The following PTPRT variants were observed in gnomAD, a reference collection of about 807,000 sequenced individuals.
PTPRT encodes the protein receptor-type tyrosine-protein phosphatase T.
In PTPRT, 56 loss-of-function variants were observed where a neutral mutation model predicts 176.8. That is an observed-to-expected ratio of 0.32 (90% CI 0.26 to 0.40). The LOEUF is 0.40. PTPRT is among the 10% of genes least tolerant of loss of function. The pLI is 1.00. For synonymous variants in PTPRT, 783 were observed against 739.0 expected, an observed-to-expected ratio of 1.06 and a Z score of -0.96; for missense variants, 1,540 against 1,908.2, an observed-to-expected ratio of 0.81 and a Z score of 3.60.
chr20:42,501,861 C>T (rs1459942809), intron 7 of PTPRT, among the ~76,000 whole-genome samples: 1 of 151,688 alleles, frequency 6.6e-6, no homozygotes, highest in African/African-American at 2.4e-5. Context: ...GCTAATATGC[C>T]TTCATTTTTT....
At chr20:42,388,800 A>T (rs1398990679) in intron 9 of PTPRT, among the ~76,000 whole-genome samples, 1 of 152,254 alleles carries the variant, frequency 6.6e-6, no homozygotes, top group Non-Finnish European at 1.5e-5. Flanking sequence ...ATTATAAATC[A>T]TGCTGCTATA....
intron 2 of PTPRT, among the ~76,000 whole-genome samples, chr20:42,879,779 GCA>G (rs2078988798): frequency 6.6e-6 from 1 of 152,052 alleles, no homozygotes; most frequent in Non-Finnish European, 1.5e-5. Flanking sequence ...GTGTGCATGT[GCA>G]TGTGTGTCAC....
chr20:42,706,340 C>G (rs1224484408), intron 6 of PTPRT, among the ~76,000 whole-genome samples: 2 of 151,986 alleles, frequency 1.3e-5, no homozygotes, highest in Non-Finnish European at 2.9e-5. Flanking sequence ...TTGTTAATCT[C>G]TGAATTGGCT....
chr20:42,612,019 A>G (rs771298892), intron 7 of PTPRT, among the ~76,000 whole-genome samples: 10 of 152,142 alleles, frequency 6.6e-5, no homozygotes, highest in Non-Finnish European at 5.9e-5. Flanking sequence ...ACCCATGCTG[A>G]CATGGGCCCT....
chr20:42,111,058 A>G (rs139099400), intron 22 of PTPRT, among the ~76,000 whole-genome samples: 8 of 152,336 alleles, frequency 5.3e-5, no homozygotes, highest in African/African-American at 1.7e-4. Context: ...ACAAAGGCAG[A>G]GCTTCTCTGA....
chr20:42,594,484 T>A (rs2073635682), intron 7 of PTPRT, among the ~76,000 whole-genome samples: 1 of 152,204 alleles, frequency 6.6e-6, no homozygotes, highest in Admixed American at 6.5e-5. Flanking sequence ...TAAACATTAA[T>A]AAAATCAAAT....
intron 7 of PTPRT, among the ~76,000 whole-genome samples, chr20:42,514,939 A>G (rs2072033151): frequency 6.6e-6 from 1 of 152,180 alleles, no homozygotes; most frequent in Non-Finnish European, 1.5e-5. Flanking sequence ...TGTAACTTAT[A>G]GTATGACCTC....
intron 1 of PTPRT, among the ~76,000 whole-genome samples, chr20:43,116,730 A>G (rs894491026): frequency 6.6e-6 from 1 of 152,034 alleles, no homozygotes; most frequent in Non-Finnish European, 1.5e-5. Context: ...TTCCACCACA[A>G]ATGTAGGTAC....
At chr20:42,135,651 GGT>G (rs1169295464) in intron 18 of PTPRT, among the ~76,000 whole-genome samples, 10 of 152,184 alleles carry the variant, frequency 6.6e-5, no homozygotes, top group Non-Finnish European at 8.8e-5. Context: ...CCTTGTGCCA[GGT>G]GGTGGGATAC....
chr20:42,578,147 G>A (rs2073298251), intron 7 of PTPRT, among the ~76,000 whole-genome samples: 1 of 152,076 alleles, frequency 6.6e-6, no homozygotes, highest in South Asian at 2.1e-4. Flanking sequence ...GCCCAGAGTG[G>A]GAAAAGGAGT....
At chr20:42,542,065 G>GTTTTATAAA (rs1267383581) in intron 7 of PTPRT, among the ~76,000 whole-genome samples, 1 of 152,038 alleles carries the variant, frequency 6.6e-6, no homozygotes, top group African/African-American at 2.4e-5. Flanking sequence ...TTTATAAAGG[G>GTTTTATAAA]GCAGTTCCCC....
chr20:43,152,589 A>G (rs551682687), intron 1 of PTPRT, among the ~76,000 whole-genome samples: 5 of 152,302 alleles, frequency 3.3e-5, no homozygotes, highest in African/African-American at 9.6e-5. Flanking sequence ...GCTACCTAAT[A>G]AACATTTATA....
chr20:42,925,007 C>A (rs1336036956), intron 1 of PTPRT, among the ~76,000 whole-genome samples: 2 of 152,186 alleles, frequency 1.3e-5, no homozygotes, highest in African/African-American at 4.8e-5. Context: ...AGAATTACTG[C>A]GGCTGCATTG....
At chr20:42,872,564 G>A (rs2078863587) in intron 2 of PTPRT, among the ~76,000 whole-genome samples, 1 of 152,196 alleles carries the variant, frequency 6.6e-6, no homozygotes, top group African/African-American at 2.4e-5. Context: ...GACGAATGGA[G>A]GGGTTAGGAC....
At chr20:43,058,776 T>C (rs994784331) in intron 1 of PTPRT, among the ~76,000 whole-genome samples, 4 of 152,156 alleles carry the variant, frequency 2.6e-5, no homozygotes, top group African/African-American at 9.7e-5. Flanking sequence ...TACAACATAA[T>C]ATAATGTGAA....
intron 27 of PTPRT, among the ~76,000 whole-genome samples, chr20:42,089,925 C>T (rs559688736): frequency 6.6e-6 from 1 of 152,148 alleles, no homozygotes; most frequent in Non-Finnish European, 1.5e-5. Flanking sequence ...CAAGACTGTC[C>T]TGGTGTTCAA....
chr20:42,670,963 A>G (rs2075402833), intron 7 of PTPRT, among the ~76,000 whole-genome samples: 1 of 152,154 alleles, frequency 6.6e-6, no homozygotes, highest in Non-Finnish European at 1.5e-5. Context: ...AAGGAGGCCT[A>G]TTTGAGGGTA....
At chr20:42,516,427 T>C (rs1372280346) in intron 7 of PTPRT, among the ~76,000 whole-genome samples, 1 of 152,192 alleles carries the variant, frequency 6.6e-6, no homozygotes, top group African/African-American at 2.4e-5. Context: ...CATTTATGAC[T>C]AGCTTTTCCC....
At chr20:42,730,518 A>C (rs182428989) in intron 6 of PTPRT, among the ~76,000 whole-genome samples, 1 of 152,334 alleles carries the variant, frequency 6.6e-6, no homozygotes, top group East Asian at 1.9e-4. Flanking sequence ...AGCAAAGGGA[A>C]TTGGAAGAGA....
Sources: allele counts gnomAD v4.1 joint callset (sites outside exome capture counted in the v4.1 genomes callset), GRCh38; gene constraint gnomAD v4.1.1; transcripts MANE v1.5; gene names NCBI Gene and HGNC (gene_info 2026-07-23, HGNC 2026-07-21).